The following CUL1 variants were observed in gnomAD, a reference collection of about 807,000 sequenced individuals.
The protein encoded by CUL1 is cullin-1.
A neutral mutation model predicts 118.0 loss-of-function variants in CUL1; 24 were observed. The observed-to-expected ratio is 0.20, with a 90% CI of 0.15 to 0.29. The LOEUF is 0.29. CUL1 is among the 10% of genes least tolerant of loss of function. The probability of loss-of-function intolerance (pLI) is 1.00; values close to 1 mark genes in which losing one functional copy is unlikely to be tolerated. For synonymous variants in CUL1, 332 were observed against 340.4 expected (o/e 0.98, Z 0.27); for missense variants, 361 against 933.8 (o/e 0.39, Z 7.99).
At chr7:148,732,508 A>G (rs1472522076) in intron 2 of CUL1, among the ~76,000 whole-genome samples, 1 of 143,140 alleles carries the variant, frequency 7.0e-6, no homozygotes, top group East Asian at 2.0e-4. Flanking sequence ...TGCCCGGCTA[A>G]TTTTTTTTTT....
chr7:148,707,144 T>C (rs1267472994), intron 1 of CUL1, among the ~76,000 whole-genome samples: 2 of 152,186 alleles, frequency 1.3e-5, no homozygotes, highest in Admixed American at 6.5e-5. Flanking sequence ...GTAGAACACA[T>C]ACTGATTTTA....
chr7:148,757,169 A>G lies in CUL1; in HGVS notation c.483+19A>G. On this transcript the variant is annotated intron_variant, in intron 4 of 21. Coordinates refer to ENST00000325222, the MANE Select transcript of CUL1 (RefSeq NM_003592.3). ...CTATTCGGTAAGAGTTTTGTTTTAA[A>G]ACGTTTTAAATTTGTTTTTGTTTTT... The G allele has an allele frequency of 7.0e-7, 1 of 1,428,890 alleles. No individual in the cohort carries two copies. The highest frequency in any genetic ancestry group is 1.5e-5 in the African/African-American group (1 of 68,874). 88.5% of individuals were successfully genotyped at this position (1,428,890 alleles called of 1,614,324 possible).
chr7:148,724,156 GT>G (rs1455781905), intron 1 of CUL1, among the ~76,000 whole-genome samples: 6 of 152,174 alleles, frequency 3.9e-5, no homozygotes, highest in African/African-American at 1.4e-4. Flanking sequence ...TTTTTCAGGA[GT>G]TTTGCAGGTC....
rs778753298 is a variant in CUL1 at position 148,786,980 on chromosome 7, C to G, written c.1348-9C>G. On this transcript the variant is annotated splice_polypyrimidine_tract_variant and intron_variant, in intron 12 of 21. Coordinates refer to ENST00000325222, the MANE Select transcript of CUL1 (RefSeq NM_003592.3). ...CTGGTTAAGTGTGTTGTCTCGGTGGCTTTGCCAGATGGTTGTCTTCAAGTA... is the reference window on the plus strand; with the variant it reads ...CTGGTTAAGTGTGTTGTCTCGGTGGGTTTGCCAGATGGTTGTCTTCAAGTA... 4.2e-6 allele frequency: 6 copies of G among 1,419,346 alleles called. No individual in the cohort carries two copies. In the South Asian group the frequency reaches 1.0e-4, roughly 24 times the overall value. 87.9% of individuals were successfully genotyped at this position (1,419,346 alleles called of 1,614,324 possible).
chr7:148,724,273 A>T (rs186080476), intron 1 of CUL1, among the ~76,000 whole-genome samples: 35 of 152,340 alleles, frequency 2.3e-4, no homozygotes, highest in African/African-American at 7.9e-4. Flanking sequence ...AGCTTGTTTC[A>T]TATTGATTCT....
intron 9 of CUL1, 62 bp downstream of exon 9, chr7:148,767,811 T>A: frequency 1.3e-6 from 2 of 1,509,938 alleles, no homozygotes; most frequent in East Asian, 4.5e-5. Context: ...ACTGCAAGCA[T>A]ATGTTATGCG....
intron 16 of CUL1, among the ~76,000 whole-genome samples, chr7:148,791,551 C>T (rs563693406): frequency 5.9e-5 from 9 of 152,286 alleles, no homozygotes; most frequent in South Asian, 2.1e-4. Context: ...CAGTTTTTGA[C>T]GGTGGAGGCT....
intron 16 of CUL1, 112 bp downstream of exon 16, chr7:148,790,553 GA>G: frequency 1.1e-6 from 1 of 906,488 alleles, no homozygotes; most frequent in Non-Finnish European, 1.7e-6. Flanking sequence ...AGCTTCTGGT[GA>G]AATAGTGGCA....
intron 2 of CUL1, among the ~76,000 whole-genome samples, chr7:148,749,019 T>A (rs1289029937): frequency 6.6e-6 from 1 of 152,234 alleles, no homozygotes; most frequent in Non-Finnish European, 1.5e-5. Flanking sequence ...TCCTATACTT[T>A]CCATGTAGTA....
chr7:148,714,879 T>TTTTG (rs970025201), intron 1 of CUL1, among the ~76,000 whole-genome samples: 32 of 152,162 alleles, frequency 2.1e-4, no homozygotes, highest in African/African-American at 5.8e-4. Context: ...GTACTTTGTT[T>TTTTG]TTTGTTTGTT....
intron 16 of CUL1, among the ~76,000 whole-genome samples, 188 bp from the exon 17 acceptor site, chr7:148,792,538 G>A (rs1801050053): frequency 1.3e-5 from 2 of 152,206 alleles, no homozygotes; most frequent in African/African-American, 2.4e-5. Flanking sequence ...ATGACTTTGG[G>A]AAAATGTTGC....
intron 11 of CUL1, among the ~76,000 whole-genome samples, chr7:148,786,163 G>T (rs1800807525): frequency 6.6e-6 from 1 of 152,132 alleles, no homozygotes; most frequent in South Asian, 2.1e-4. Flanking sequence ...GCCATGAAAG[G>T]GAATCTATGT....
At chr7:148,786,860 G>A (rs1044785865) in intron 12 of CUL1, 129 bp from the exon 13 acceptor site, 18 of 1,241,542 alleles carry the variant, frequency 1.4e-5, no homozygotes, top group Non-Finnish European at 1.8e-5. Context: ...CATCATAAAC[G>A]TTGGCGTACA....
intron 2 of CUL1, among the ~76,000 whole-genome samples, chr7:148,740,127 A>G (rs1799094579): frequency 6.7e-6 from 1 of 149,370 alleles, no homozygotes; most frequent in Non-Finnish European, 1.5e-5. Context: ...ACCTTGGCTT[A>G]CTGCAATCTC....
At chr7:148,709,586 A>G (rs79693965) in intron 1 of CUL1, among the ~76,000 whole-genome samples, 4 of 152,372 alleles carry the variant, frequency 2.6e-5, no homozygotes, top group Non-Finnish European at 5.9e-5. Flanking sequence ...TACTTGAAGT[A>G]TAAGCTTAAA....
Position 148,758,552 on chromosome 7 carries a change from G to C in CUL1, c.484-752G>C, listed in dbSNP as rs1423939708. On this transcript the variant is annotated intron_variant, in intron 4 of 21. Coordinates refer to ENST00000325222, the MANE Select transcript of CUL1 (RefSeq NM_003592.3). ...GCATCACTTGAGCCCAGGAGGTGGA[G>C]GGTTCAGTGAGCCATGGTGGTACCA... is the stretch of plus-strand genomic sequence containing the variant. Among the ~76,000 whole-genome samples, 4 of 152,194 alleles carry C rather than the reference G, an allele frequency of 2.6e-5. No individual in the cohort carries two copies. In the East Asian group the frequency reaches 7.7e-4, roughly 29 times the overall value.
intron 14 of CUL1, among the ~76,000 whole-genome samples, chr7:148,788,967 T>C (rs1449224394): frequency 6.6e-6 from 1 of 151,998 alleles, no homozygotes. Context: ...CTTGGATCCA[T>C]TCTAGCATTT....
intron 17 of CUL1, among the ~76,000 whole-genome samples, chr7:148,795,748 C>T (rs1356170628): frequency 6.5e-5 from 9 of 138,642 alleles, no homozygotes; most frequent in Non-Finnish European, 1.1e-4. Context: ...CCAGCCTGGG[C>T]GACAGAGCAA....
At chr7:148,795,092 C>G (rs1207445134) in intron 17 of CUL1, among the ~76,000 whole-genome samples, 1 of 152,130 alleles carries the variant, frequency 6.6e-6, no homozygotes, top group Non-Finnish European at 1.5e-5. Context: ...CTCGGCCTCC[C>G]AAAGTGCTGG....
Sources: gnomAD v4.1 joint callset for allele counts (sites outside exome capture counted in the v4.1 genomes callset) on GRCh38, gnomAD v4.1.1 for gene constraint, MANE v1.5 for transcripts, NCBI Gene and HGNC (gene_info 2026-07-23, HGNC 2026-07-21) for gene names.